Variants in PDE9A observed in about 807,000 individuals in gnomAD.
PDE9A encodes the protein phosphodiesterase 9A.
In PDE9A, 60 loss-of-function variants were observed where a neutral mutation model predicts 87.4. That is an observed-to-expected ratio of 0.69 (90% CI 0.56 to 0.85). PDE9A has a LOEUF of 0.85. Ranked by LOEUF, PDE9A falls within the 40% of genes least tolerant of loss-of-function variation. The pLI is 0.00. For synonymous variants in PDE9A, 272 were observed against 279.4 expected, an observed-to-expected ratio of 0.97 and a Z score of 0.27; for missense variants, 665 against 779.0, an observed-to-expected ratio of 0.85 and a Z score of 1.74.
intron 1 of PDE9A, among the ~76,000 whole-genome samples, chr21:42,681,139 G>A (rs1031491000): frequency 1.3e-5 from 2 of 152,218 alleles, no homozygotes; most frequent in Non-Finnish European, 2.9e-5. Flanking sequence ...CAAGGGGCAG[G>A]TGGAGTTGAT....
rs994560918 is a variant in PDE9A, at chr21:42,722,067, C to T, written c.263-9703C>T. 3.3e-5 allele frequency among the ~76,000 whole-genome samples: 5 copies of T among 152,176 alleles called. No homozygotes were observed. Among genetic ancestry groups the T allele is most frequent in the African/African-American group, 1.2e-4 (5 of 41,532 alleles). On this transcript the variant is annotated intron_variant, in intron 4 of 19. Coordinates refer to ENST00000291539, the MANE Select transcript of PDE9A (RefSeq NM_002606.3). The surrounding 1 kb of genome is among the most constrained non-coding windows in gnomAD (Gnocchi z 4.1). ...CTCAGCTCACTGCAACCTCCGACTC[C>T]CTGGTTCAAGTGATTCTCCTGCCTC...
Position 42,724,544 on chromosome 21 carries a change from TC to T in PDE9A, c.263-7225del. The T allele has an allele frequency of 4.1e-6, 4 of 983,276 alleles. No individual in the cohort carries two copies. In the South Asian group the frequency reaches 1.9e-4, roughly 46 times the overall value. 60.9% of individuals were successfully genotyped at this position (983,276 alleles called of 1,614,324 possible). ...CTTTGTGCACACTGGTGGTTTTGCT[TC>T]TTTCCCCCAGCAAAAGAATGCAGAT... On this transcript the variant is annotated intron_variant, in intron 4 of 19. Transcript: ENST00000291539.
chr21:42,769,643 GGGACACACAGGCA>G (rs2056813226), intron 17 of PDE9A, among the ~76,000 whole-genome samples: 1 of 37,212 alleles, frequency 2.7e-5, no homozygotes, highest in African/African-American at 2.4e-4. Context: ...GGCACACACA[GGGACACACAGGCA>G]CACATAGGCA....
At chr21:42,714,016 A>ATT (rs11403559) in intron 4 of PDE9A, among the ~76,000 whole-genome samples, 2,546 of 90,412 alleles carry the variant, frequency 0.028, 366 homozygotes, top group African/African-American at 0.071. Context: ...TTTCATTCCA[A>ATT]TTTTTTTTTT....
rs750678276 is a variant in PDE9A at position 42,760,247 on chromosome 21, C to T, written c.898-81C>T. ...GTTTGGCAGAGAATGTTCAAACCAG[C>T]GCACAGCCTTCTGGGTGGCTTTGGG... is the stretch of plus-strand genomic sequence containing the variant. On this transcript the variant is annotated intron_variant, in intron 11 of 19. Transcript: ENST00000291539. This position sits in a 1 kb window ranked among gnomAD's most constrained non-coding sequence, Gnocchi z 5.2. 8.8e-6 allele frequency: 7 copies of T among 794,216 alleles called. No individual in the cohort carries two copies. Among genetic ancestry groups the T allele is most frequent in the Admixed American group, 1.9e-5 (1 of 53,486 alleles). The allele number at this position is 794,216 out of a possible 1,614,324, so 49.2% of individuals were successfully genotyped here. A position where few individuals can be genotyped will look rare whatever the true frequency, so the allele number is the denominator to read the frequency against.
intron 16 of PDE9A, chr21:42,768,821 G>A (rs988200526): frequency 2.0e-6 from 2 of 985,326 alleles, no homozygotes; most frequent in Admixed American, 1.2e-4. Context: ...TATCTCTCAG[G>A]TCGGTCTTCC....
At chr21:42,741,648 G>A (rs2053271068) in intron 7 of PDE9A, 1 of 152,224 alleles carries the variant, frequency 6.6e-6, no homozygotes, top group African/African-American at 2.4e-5. Context: ...CCTTCTGGCA[G>A]AAAGAAGCAG....
At chr21:42,749,526 G>T (rs1380178495) in intron 8 of PDE9A, among the ~76,000 whole-genome samples, 1 of 152,228 alleles carries the variant, frequency 6.6e-6, no homozygotes, top group Non-Finnish European at 1.5e-5. Context: ...TGCCCAACCG[G>T]AAGGTGGCTT....
In PDE9A at chr21:42,765,531, G is replaced by A. The variant is rs184246798; in HGVS notation, c.1356+37G>A. ...ATTCTGCCTGGGTGGGCAGCCAGGCGGTGGGCTGGCGAAGCAGGTCATCCA... is the reference window on the plus strand; with the variant it reads ...ATTCTGCCTGGGTGGGCAGCCAGGCAGTGGGCTGGCGAAGCAGGTCATCCA... On this transcript the variant is annotated intron_variant, in intron 15 of 19. Coordinates refer to ENST00000291539, the MANE Select transcript of PDE9A (RefSeq NM_002606.3). The A allele has an allele frequency of 9.3e-5, 110 of 1,186,460 alleles. No individual in the cohort carries two copies. The African/African-American group carries it at 1.2e-3, about 13-fold the overall frequency. 73.5% of individuals were successfully genotyped at this position (1,186,460 alleles called of 1,614,324 possible).
At chr21:42,707,643 G>A (rs747520868) in intron 4 of PDE9A, among the ~76,000 whole-genome samples, 83 of 152,066 alleles carry the variant, frequency 5.5e-4, no homozygotes, top group Non-Finnish European at 2.5e-4. Context: ...CCTTGTCTCC[G>A]GTGGGCTTTT....
chr21:42,732,972 A>G (rs1002470024), intron 6 of PDE9A, among the ~76,000 whole-genome samples: 8 of 152,234 alleles, frequency 5.3e-5, no homozygotes, highest in African/African-American at 1.4e-4. Context: ...TGGAGCCTCC[A>G]GAGAGCACAA....
intron 9 of PDE9A, among the ~76,000 whole-genome samples, chr21:42,752,068 C>T (rs112201958): frequency 3.9e-5 from 6 of 152,040 alleles, no homozygotes; most frequent in Non-Finnish European, 7.4e-5. Context: ...TGCTCTCATG[C>T]TAAGATTCAG....
chr21:42,688,040 C>T, intron 3 of PDE9A, 46 bp downstream of exon 3: 1 of 1,446,348 alleles, frequency 6.9e-7, no homozygotes. Flanking sequence ...TGGCACTTCT[C>T]TCCATGACAT....
At chr21:42,709,656 A>G (rs75757625) in intron 4 of PDE9A, among the ~76,000 whole-genome samples, 2,699 of 152,116 alleles carry the variant, frequency 0.018, 80 homozygotes, top group African/African-American at 0.062. Flanking sequence ...CTTTCACTCA[A>G]CATCATTTTT....
At chr21:42,697,530 A>G (rs756153621) in intron 3 of PDE9A, 2 of 1,183,068 alleles carry the variant, frequency 1.7e-6, no homozygotes, top group African/African-American at 3.0e-5. Flanking sequence ...CTTAACAACT[A>G]CCTGACACTG....
At chr21:42,663,011 ACACACACGCACATAT>A (rs1240323985) in intron 1 of PDE9A, among the ~76,000 whole-genome samples, 5 of 148,290 alleles carry the variant, frequency 3.4e-5, no homozygotes, top group Admixed American at 3.4e-4. Context: ...CACGCACACC[ACACACACGCACATAT>A]CACACACATG....
intron 4 of PDE9A, among the ~76,000 whole-genome samples, chr21:42,726,624 A>ATATATATATATTTTTTTTTTTTTTT: frequency 1.0e-4 from 2 of 19,780 alleles, no homozygotes; most frequent in African/African-American, 6.8e-4. Context: ...ATATATATAT[A>ATATATATATATTTTTTTTTTTTTTT]TTTTTTTTTT....
At chr21:42,685,200 G>A (rs902751832) in intron 1 of PDE9A, among the ~76,000 whole-genome samples, 1 of 152,210 alleles carries the variant, frequency 6.6e-6, no homozygotes, top group Non-Finnish European at 1.5e-5. Context: ...CCCTCACCGA[G>A]CTCGAAATAC....
intron 1 of PDE9A, among the ~76,000 whole-genome samples, chr21:42,672,256 C>G (rs1471674460): frequency 6.6e-6 from 1 of 152,248 alleles, no homozygotes; most frequent in Non-Finnish European, 1.5e-5. Flanking sequence ...TTAGGTGCAG[C>G]ACGCACCCCT....
Sources: allele counts gnomAD v4.1 joint callset (sites outside exome capture counted in the v4.1 genomes callset), GRCh38; gene constraint gnomAD v4.1.1; non-coding constraint Gnocchi (gnomAD v3.1); transcripts MANE v1.5; gene names NCBI Gene and HGNC (gene_info 2026-07-23, HGNC 2026-07-21).